Variants in AUTS2 observed in about 807,000 individuals in gnomAD.
The protein encoded by AUTS2 is autism susceptibility gene 2 protein.
AUTS2 carries 17 observed loss-of-function variants against 112.4 expected under a neutral mutation model. The observed-to-expected ratio is 0.15, with a 90% CI of 0.10 to 0.23. The LOEUF is 0.23. Ranked by LOEUF, AUTS2 falls within the 10% of genes least tolerant of loss-of-function variation. The pLI is 1.00. For synonymous variants in AUTS2, 751 were observed against 702.7 expected (o/e 1.07, Z -1.09); for missense variants, 1,510 against 1,701.6 (o/e 0.89, Z 1.98).
chr7:70,411,426 T>A (rs1348649108), intron 4 of AUTS2, among the ~76,000 whole-genome samples: 2 of 152,096 alleles, frequency 1.3e-5, no homozygotes, highest in African/African-American at 4.8e-5. Flanking sequence ...TACTACTAAA[T>A]GAGAACTTTT....
At chr7:69,862,673 T>G (rs1477777078) in intron 1 of AUTS2, among the ~76,000 whole-genome samples, 3 of 152,176 alleles carry the variant, frequency 2.0e-5, no homozygotes, top group Non-Finnish European at 4.4e-5. Flanking sequence ...ATTTTTCTTT[T>G]TAGAAGGAAG....
rs530066578 is a variant in AUTS2, at chr7:70,631,977, T to C, written c.691-66592T>C. Among the ~76,000 whole-genome samples the C allele has an allele frequency of 1.3e-5, 2 of 151,896 alleles. No homozygotes were observed. Among genetic ancestry groups the C allele is most frequent in the East Asian group, 3.9e-4 (2 of 5,124 alleles). On this transcript the variant is annotated intron_variant, in intron 5 of 18. Coordinates refer to ENST00000342771, the MANE Select transcript of AUTS2 (RefSeq NM_015570.4). This position sits in a 1 kb window ranked among gnomAD's most constrained non-coding sequence, Gnocchi z 4.5. ...GTGGAGACCCGATCTGCCGTCCTGGTGGGCAGCAGGTGTGAGCGCCTGCCA... is the reference window on the plus strand; with the variant it reads ...GTGGAGACCCGATCTGCCGTCCTGGCGGGCAGCAGGTGTGAGCGCCTGCCA...
chr7:70,489,802 G>T (rs1252173158), intron 5 of AUTS2, among the ~76,000 whole-genome samples: 1 of 152,150 alleles, frequency 6.6e-6, no homozygotes, highest in Non-Finnish European at 1.5e-5. Context: ...GGTGTGAGGG[G>T]AGTATTTGAG....
chr7:69,808,145 C>G (rs1371676523), intron 1 of AUTS2, among the ~76,000 whole-genome samples: 1 of 152,124 alleles, frequency 6.6e-6, no homozygotes, highest in African/African-American at 2.4e-5. Flanking sequence ...TCAGACTCAT[C>G]TTGAACTCCT....
intron 4 of AUTS2, among the ~76,000 whole-genome samples, chr7:70,376,847 CTAAG>C (rs988489073): frequency 4.6e-5 from 7 of 151,472 alleles, no homozygotes; most frequent in African/African-American, 1.7e-4. Flanking sequence ...CTGTCAGTCA[CTAAG>C]TGTCTTTGGG....
chr7:70,695,623 C>T (rs1310929654), intron 5 of AUTS2, among the ~76,000 whole-genome samples: 2 of 152,228 alleles, frequency 1.3e-5, no homozygotes, highest in Non-Finnish European at 2.9e-5. Flanking sequence ...TGAGGGTGGG[C>T]CTGAAGCAGG....
At chr7:70,401,492 C>G (rs1794325950) in intron 4 of AUTS2, among the ~76,000 whole-genome samples, 1 of 152,128 alleles carries the variant, frequency 6.6e-6, no homozygotes, top group Non-Finnish European at 1.5e-5. Context: ...CCTTTGGAGG[C>G]TGTGGAAATG....
chr7:70,247,734 T>C (rs751882741), intron 4 of AUTS2, among the ~76,000 whole-genome samples: 4 of 152,202 alleles, frequency 2.6e-5, no homozygotes, highest in Non-Finnish European at 5.9e-5. Flanking sequence ...CTTCATACTT[T>C]TATTTATTTA....
chr7:70,501,520 G>A (rs1024622363), intron 5 of AUTS2, among the ~76,000 whole-genome samples: 3 of 152,144 alleles, frequency 2.0e-5, no homozygotes, highest in Non-Finnish European at 2.9e-5. Context: ...ACTTTGCAGA[G>A]CCACACCCAC....
At chr7:70,133,304 T>A (rs1806373186) in intron 3 of AUTS2, among the ~76,000 whole-genome samples, 1 of 152,186 alleles carries the variant, frequency 6.6e-6, no homozygotes, top group South Asian at 2.1e-4. Flanking sequence ...TCTGCTGTAT[T>A]TTTATAGATG....
chr7:69,847,081 AT>A (rs1792236864), intron 1 of AUTS2, among the ~76,000 whole-genome samples: 1 of 151,930 alleles, frequency 6.6e-6, no homozygotes, highest in Non-Finnish European at 1.5e-5. Flanking sequence ...ACTTTCCTTA[AT>A]TTTTCCCCTC....
intron 2 of AUTS2, among the ~76,000 whole-genome samples, chr7:69,967,130 G>A (rs923787770): frequency 5.3e-5 from 8 of 152,174 alleles, no homozygotes; most frequent in African/African-American, 7.2e-5. Context: ...GTGGAGAAAG[G>A]TCACCTCCTG....
At chr7:70,384,584 A>G (rs1026029257) in intron 4 of AUTS2, among the ~76,000 whole-genome samples, 3 of 152,164 alleles carry the variant, frequency 2.0e-5, no homozygotes, top group African/African-American at 7.2e-5. Context: ...CACGGCGCCA[A>G]CGGTGCCAAG....
At chr7:69,970,707 T>G (rs1797814207) in intron 2 of AUTS2, among the ~76,000 whole-genome samples, 1 of 152,190 alleles carries the variant, frequency 6.6e-6, no homozygotes, top group South Asian at 2.1e-4. Context: ...CTAAGCATTC[T>G]CACTACATCT....
intron 5 of AUTS2, among the ~76,000 whole-genome samples, chr7:70,602,654 TCA>T (rs1199416087): frequency 6.6e-6 from 1 of 152,240 alleles, no homozygotes; most frequent in Non-Finnish European, 1.5e-5. Flanking sequence ...ACTTAAATTC[TCA>T]GTTTCTTCCA....
In AUTS2 at chr7:70,776,843, T is replaced by A. The variant is rs189968756; in HGVS notation, c.1933-260T>A. 6.5e-3 allele frequency: 3,325 copies of A among 510,934 alleles called. 26 individuals are homozygous for A. Among genetic ancestry groups the A allele is most frequent in the Non-Finnish European group, 9.3e-3 (2,654 of 284,280 alleles). The allele number at this position is 510,934 out of a possible 1,614,324, so 31.7% of individuals were successfully genotyped here. A position where few individuals can be genotyped will look rare whatever the true frequency, so the allele number is the denominator to read the frequency against. Reference sequence around the variant, plus strand: ...TGGGATTCAGGCTTTTGCCGTCTTGTCCTTGGTAACCGGGGAGGCCCTTGT... The same window carrying A: ...TGGGATTCAGGCTTTTGCCGTCTTGACCTTGGTAACCGGGGAGGCCCTTGT... On this transcript the variant is annotated intron_variant, in intron 13 of 18. Transcript: ENST00000342771.
chr7:69,920,925 A>C (rs1374644335), intron 2 of AUTS2, among the ~76,000 whole-genome samples: 1 of 152,220 alleles, frequency 6.6e-6, no homozygotes, highest in African/African-American at 2.4e-5. Flanking sequence ...AACTGTAAAA[A>C]AATACTCTTG....
chr7:70,121,906 G>A (rs762771813), intron 3 of AUTS2, among the ~76,000 whole-genome samples: 11 of 152,130 alleles, frequency 7.2e-5, no homozygotes, highest in Non-Finnish European at 1.0e-4. Flanking sequence ...ATTATTTATG[G>A]TAGTCAAAAA....
At chr7:69,816,718 TC>T (rs1455763985) in intron 1 of AUTS2, among the ~76,000 whole-genome samples, 4 of 152,222 alleles carry the variant, frequency 2.6e-5, no homozygotes, top group Non-Finnish European at 1.5e-5. Context: ...TTATCCACAT[TC>T]TTTTTGTAGA....
Sources: allele counts gnomAD v4.1 joint callset (sites outside exome capture counted in the v4.1 genomes callset), GRCh38; gene constraint gnomAD v4.1.1; non-coding constraint Gnocchi (gnomAD v3.1); transcripts MANE v1.5; gene names NCBI Gene and HGNC (gene_info 2026-07-23, HGNC 2026-07-21).